PLEKHA7: variants seen among roughly 807,000 people sequenced by gnomAD.
PLEKHA7 encodes the protein pleckstrin homology domain-containing family A member 7.
A neutral mutation model predicts 170.0 loss-of-function variants in PLEKHA7; 104 were observed. That is an observed-to-expected ratio of 0.61 (90% confidence interval 0.52 to 0.72). PLEKHA7 has a LOEUF of 0.72. Ranked by LOEUF, PLEKHA7 falls within the 30% of genes least tolerant of loss-of-function variation. The pLI is 0.00. For synonymous variants in PLEKHA7, 648 were observed against 660.8 expected (o/e 0.98, Z 0.30); for missense variants, 1,615 against 1,671.7 (o/e 0.97, Z 0.59).
At chr11:16,855,286 C>A (rs1246570880) in intron 5 of PLEKHA7, among the ~76,000 whole-genome samples, 1 of 152,194 alleles carries the variant, frequency 6.6e-6, no homozygotes, top group Non-Finnish European at 1.5e-5. Context: ...TGTTCCATGG[C>A]TTTCTGGAGC....
intron 7 of PLEKHA7, 26 bp downstream of exon 7, chr11:16,852,257 G>A: frequency 6.2e-7 from 1 of 1,608,060 alleles, no homozygotes; most frequent in Admixed American, 1.7e-5. Flanking sequence ...CACTTCGGCA[G>A]GGTAATAGGC....
chr11:16,833,141 G>C (rs1443332036), intron 9 of PLEKHA7, among the ~76,000 whole-genome samples: 1 of 152,186 alleles, frequency 6.6e-6, no homozygotes, highest in African/African-American at 2.4e-5. Context: ...GGGATGGAGG[G>C]AGAATAGCCT....
At chr11:16,837,921 C>T (rs1239328981) in intron 9 of PLEKHA7, among the ~76,000 whole-genome samples, 1 of 152,006 alleles carries the variant, frequency 6.6e-6, no homozygotes, top group African/African-American at 2.4e-5. Context: ...TCGGTGGTGC[C>T]CCAGTGACAT....
At chr11:16,921,576 C>T (rs1189607077) in intron 3 of PLEKHA7, among the ~76,000 whole-genome samples, 3 of 152,238 alleles carry the variant, frequency 2.0e-5, no homozygotes, top group East Asian at 1.9e-4. Flanking sequence ...GGAGATAGGT[C>T]TTCAGATGCA....
At chr11:16,953,459 T>C (rs1861523832) in intron 3 of PLEKHA7, among the ~76,000 whole-genome samples, 2 of 152,352 alleles carry the variant, frequency 1.3e-5, no homozygotes, top group South Asian at 4.1e-4. Flanking sequence ...AGAACAATTT[T>C]GTACACTATT....
rs1007588869 is a variant in PLEKHA7 at position 16,937,821 on chromosome 11, T to C, written c.222-66639A>G. Among the ~76,000 whole-genome samples the C allele has an allele frequency of 2.6e-5, 4 of 152,254 alleles. No individual in the cohort carries two copies. The South Asian group carries it at 8.3e-4, about 32-fold the overall frequency. ...TGGTGTTTCTCCATGTTGGTCAGGC[T>C]GGTCTTGAACTCCCGACCTCAGGTG... On this transcript the variant is annotated intron_variant, in intron 3 of 26. Transcript: ENST00000531066.
At chr11:16,988,225 G>A (rs117535244) in intron 3 of PLEKHA7, among the ~76,000 whole-genome samples, 29 of 152,304 alleles carry the variant, frequency 1.9e-4, no homozygotes, top group African/African-American at 7.0e-4. Flanking sequence ...TCCTCCCACC[G>A]TACCTGAGGG....
intron 12 of PLEKHA7, 54 bp downstream of exon 12, chr11:16,816,124 G>A: frequency 6.9e-7 from 1 of 1,454,130 alleles, no homozygotes; most frequent in Non-Finnish European, 9.7e-7. Context: ...CTCAGAGGAA[G>A]GAAAATGTTG....
chr11:16,885,817 A>G (rs955928639), intron 3 of PLEKHA7, among the ~76,000 whole-genome samples: 8 of 151,680 alleles, frequency 5.3e-5, no homozygotes. Flanking sequence ...AGCATGGTAA[A>G]ACCCCATCTC....
At chr11:16,836,585 G>T (rs2135165262) in intron 9 of PLEKHA7, among the ~76,000 whole-genome samples, 1 of 152,344 alleles carries the variant, frequency 6.6e-6, no homozygotes, top group Non-Finnish European at 1.5e-5. Flanking sequence ...CAAACTGGAA[G>T]ACAGGCAAGA....
At chr11:16,800,559 C>T (rs1047828847) in intron 17 of PLEKHA7, among the ~76,000 whole-genome samples, 2 of 152,206 alleles carry the variant, frequency 1.3e-5, no homozygotes, top group African/African-American at 4.8e-5. Context: ...GGTGTGATAA[C>T]ATCTATCTCC....
chr11:16,797,801 C>G (rs1848336942), intron 17 of PLEKHA7, among the ~76,000 whole-genome samples: 1 of 152,204 alleles, frequency 6.6e-6, no homozygotes, highest in Non-Finnish European at 1.5e-5. Flanking sequence ...CAGTCCTCTT[C>G]CTCCTCCATA....
chr11:16,826,589 C>A lies in PLEKHA7; in HGVS notation c.874G>T (p.Asp292Tyr). Residue 292 changes from aspartate (D) to tyrosine (Y), a missense_variant and splice_region_variant, in exon 10 of 27, where the codon GAT becomes TAT. Asp to Tyr is a radical substitution (Grantham distance 160). Coordinates refer to ENST00000531066, the MANE Select transcript of PLEKHA7 (RefSeq NM_001329630.2). ...QVLSRSSLKRDMEKVERQAVP... is the reference protein window; with the variant it reads ...QVLSRSSLKRYMEKVERQAVP... ...GCCTGCCGCTCCACCTTCTCCATAT[C>A]CCTGCAATGACAGCAGCACATTCAG... The A allele has an allele frequency of 6.2e-7, 1 of 1,610,682 alleles. No individual in the cohort carries two copies. Among genetic ancestry groups the A allele is most frequent in the Non-Finnish European group, 8.5e-7 (1 of 1,178,572 alleles).
In PLEKHA7 at chr11:16,956,728, A is replaced by G. The variant is rs1379130403; in HGVS notation, c.221+57261T>C. Among the ~76,000 whole-genome samples the G allele has an allele frequency of 2.0e-5, 3 of 152,194 alleles. No individual in the cohort carries two copies. The East Asian group carries it at 5.8e-4, about 29-fold the overall frequency. On this transcript the variant is annotated intron_variant, in intron 3 of 26. Coordinates refer to ENST00000531066, the MANE Select transcript of PLEKHA7 (RefSeq NM_001329630.2). ...CTGGGCCCTAATCCACAATCTGTCT[A>G]TAAAAGACATCTCAGCCAGCTTTAT...
Position 17,014,284 on chromosome 11 carries a change from C to T in PLEKHA7, c.86+32G>A, listed in dbSNP as rs1412575993. On this transcript the variant is annotated intron_variant, in intron 1 of 26. Transcript: ENST00000531066. ...GCCCCCGCCCCCGCGCCCCCACCCG[C>T]GTCCCCGCGTCCCCGGGTCCTCGCG... 2.8e-6 allele frequency: 4 copies of T among 1,415,936 alleles called. No homozygotes were observed. The Admixed American group carries it at 9.4e-5, about 33-fold the overall frequency. 87.7% of individuals were successfully genotyped at this position (1,415,936 alleles called of 1,614,324 possible).
chr11:16,843,368 G>A (rs1030194427), intron 8 of PLEKHA7, among the ~76,000 whole-genome samples: 2 of 152,234 alleles, frequency 1.3e-5, no homozygotes, highest in African/African-American at 4.8e-5. Flanking sequence ...GGTCATAGAT[G>A]AAAACCTCTC....
chr11:16,794,762 C>T (rs1235822786), intron 18 of PLEKHA7, 48 bp from the exon 19 acceptor site: 3 of 1,588,154 alleles, frequency 1.9e-6, no homozygotes, highest in Non-Finnish European at 2.6e-6. Context: ...CAAAGACCCC[C>T]TTCCTTGGAG....
intron 7 of PLEKHA7, among the ~76,000 whole-genome samples, chr11:16,851,796 C>T (rs1413290500): frequency 6.6e-6 from 1 of 152,196 alleles, no homozygotes; most frequent in Admixed American, 6.5e-5. Context: ...TTCTAAGAAG[C>T]CTCCTCAGAT....
intron 3 of PLEKHA7, among the ~76,000 whole-genome samples, chr11:16,964,673 T>C (rs1862263247): frequency 6.6e-6 from 1 of 152,210 alleles, no homozygotes; most frequent in African/African-American, 2.4e-5. Flanking sequence ...GGGCAGGGCC[T>C]TTCCTGCTTC....
Sources: gnomAD v4.1 joint callset for allele counts (sites outside exome capture counted in the v4.1 genomes callset) on GRCh38, gnomAD v4.1.1 for gene constraint, MANE v1.5 for transcripts, NCBI Gene and HGNC (gene_info 2026-07-23, HGNC 2026-07-21) for gene names.